The following ARHGEF4 variants were observed in gnomAD, a reference collection of about 807,000 sequenced individuals.
The protein encoded by ARHGEF4 is APC-stimulated guanine nucleotide exchange factor 1.
A neutral mutation model predicts 162.0 loss-of-function variants in ARHGEF4; 119 were observed. That is an observed-to-expected ratio of 0.73 (90% CI 0.63 to 0.86). The LOEUF is 0.86. Ranked by LOEUF, ARHGEF4 falls within the 40% of genes least tolerant of loss-of-function variation. The probability of loss-of-function intolerance (pLI) is 0.00; values close to 1 mark genes in which losing one functional copy is unlikely to be tolerated. For synonymous variants in ARHGEF4, 1,014 were observed against 979.9 expected (o/e 1.03, Z -0.65); for missense variants, 2,488 against 2,456.0 (o/e 1.01, Z -0.28).
intron 1 of ARHGEF4, among the ~76,000 whole-genome samples, chr2:130,847,435 A>G (rs1681063129): frequency 6.6e-6 from 1 of 152,182 alleles, no homozygotes; most frequent in Admixed American, 6.5e-5. Flanking sequence ...GCACCAAAAG[A>G]TCATAACTGT....
chr2:130,971,062 G>T (rs896603657), intron 4 of ARHGEF4, among the ~76,000 whole-genome samples: 5 of 152,094 alleles, frequency 3.3e-5, no homozygotes, highest in African/African-American at 7.2e-5. Flanking sequence ...TTTGTACTTA[G>T]ATCTATGATC....
chr2:130,950,905 A>G (rs1021062056), intron 4 of ARHGEF4, among the ~76,000 whole-genome samples: 2 of 152,074 alleles, frequency 1.3e-5, no homozygotes, highest in African/African-American at 2.4e-5. Context: ...GATACACCAC[A>G]GTTTGCTTAT....
At chr2:131,027,144 G>A (rs1689532874) in intron 4 of ARHGEF4, among the ~76,000 whole-genome samples, 1 of 152,174 alleles carries the variant, frequency 6.6e-6, no homozygotes. Context: ...GCAGCACAGG[G>A]AATGACCCAC....
chr2:131,038,255 C>T (rs1296519464), intron 5 of ARHGEF4, among the ~76,000 whole-genome samples: 1 of 148,722 alleles, frequency 6.7e-6, no homozygotes, highest in Non-Finnish European at 1.5e-5. Context: ...GCAGCCCAGC[C>T]TCTCCCTCCT....
intron 2 of ARHGEF4, among the ~76,000 whole-genome samples, chr2:130,923,897 T>TC (rs1254773359): frequency 2.0e-5 from 3 of 151,392 alleles, no homozygotes; most frequent in Non-Finnish European, 4.4e-5. Flanking sequence ...TTTTTTTTTT[T>TC]TGAGACGGAG....
At chr2:130,940,764 A>G (rs13013597) in intron 3 of ARHGEF4, among the ~76,000 whole-genome samples, 145,140 of 145,170 alleles carry the variant, frequency 1, 72,555 homozygotes, top group Middle Eastern at 1. Flanking sequence ...CCCGGGAGGC[A>G]GAGCTTGCAG....
intron 1 of ARHGEF4, among the ~76,000 whole-genome samples, chr2:130,903,789 T>C (rs1680652560): frequency 6.6e-6 from 1 of 152,252 alleles, no homozygotes; most frequent in Admixed American, 6.5e-5. Flanking sequence ...TTCAGTTTTC[T>C]GTTTCTGCAT....
At chr2:131,039,259 A>G in intron 6 of ARHGEF4, 1 of 1,297,272 alleles carries the variant, frequency 7.7e-7, no homozygotes, top group Non-Finnish European at 1.0e-6. Context: ...CAGTCGAGAA[A>G]TGAGTGTGTG....
At chr2:130,926,943 G>A (rs1682333604) in intron 2 of ARHGEF4, among the ~76,000 whole-genome samples, 2 of 148,584 alleles carry the variant, frequency 1.3e-5, no homozygotes, top group Admixed American at 1.4e-4. Context: ...GGGTTGGAAT[G>A]TCTCTGGTTG....
chr2:130,956,572 A>C lies in ARHGEF4; in HGVS notation c.3985+9937A>C, dbSNP rs945340743. ...ATAGCAAAGACTTGGAACCAACCCA[A>C]ATGTCCAACAATGATAGACTGGATT... On this transcript the variant is annotated intron_variant, in intron 4 of 13. Coordinates refer to ENST00000409359, the MANE Select transcript of ARHGEF4 (RefSeq NM_001367493.1). Among the ~76,000 whole-genome samples the C allele has an allele frequency of 3.3e-5, 5 of 150,360 alleles. No homozygotes were observed. In the Admixed American group the frequency reaches 3.3e-4, roughly 10 times the overall value.
At chr2:130,944,970 T>A (rs1683515509) in intron 3 of ARHGEF4, among the ~76,000 whole-genome samples, 1 of 152,160 alleles carries the variant, frequency 6.6e-6, no homozygotes, top group African/African-American at 2.4e-5. Flanking sequence ...GGCTGTTTCT[T>A]ATGTCAGTTT....
Position 130,946,609 on chromosome 2 carries a change from G to A in ARHGEF4, c.3959G>A (p.Gly1320Asp). ...QSAPTGLNHM[G>D]WPEHTPGTAM... ...GCTCCAACGGGACTGAACCACATGG[G>A]CTGGCCAGAGCACACACCAGGCACT... The change falls in exon 4 of 14, where the codon GGC (glycine) becomes GAC (aspartate). Residue 1320 changes from glycine (G) to aspartate (D), a missense_variant. Transcript: ENST00000409359. 1.2e-6 allele frequency: 2 copies of A among 1,614,040 alleles called. No individual in the cohort carries two copies. Among genetic ancestry groups the A allele is most frequent in the Middle Eastern group, 1.6e-4 (1 of 6,062 alleles).
At chr2:130,966,162 C>A (rs1420297526) in intron 4 of ARHGEF4, among the ~76,000 whole-genome samples, 3 of 152,204 alleles carry the variant, frequency 2.0e-5, no homozygotes, top group Non-Finnish European at 2.9e-5. Context: ...GTCACCTCTT[C>A]ATCCTCTCTG....
intron 1 of ARHGEF4, among the ~76,000 whole-genome samples, chr2:130,851,859 T>G (rs1681438846): frequency 6.6e-6 from 1 of 152,212 alleles, no homozygotes; most frequent in Non-Finnish European, 1.5e-5. Context: ...AGTGAATGTT[T>G]GTAGAAGCTG....
At chr2:130,988,633 A>G (rs986798290) in intron 4 of ARHGEF4, among the ~76,000 whole-genome samples, 8 of 152,088 alleles carry the variant, frequency 5.3e-5, no homozygotes, top group African/African-American at 1.2e-4. Context: ...GCTTTATTTC[A>G]TGACCTGTTT....
chr2:130,895,709 T>A (rs930852087), intron 1 of ARHGEF4, among the ~76,000 whole-genome samples: 3 of 152,206 alleles, frequency 2.0e-5, no homozygotes, highest in Non-Finnish European at 2.9e-5. Context: ...TATTACTGAG[T>A]GTAAGAGTTT....
intron 2 of ARHGEF4, among the ~76,000 whole-genome samples, chr2:130,926,356 CTTTG>C (rs71398515): frequency 0.085 from 12,953 of 151,960 alleles, 594 homozygotes; most frequent in Non-Finnish European, 0.11. Flanking sequence ...GCTTTAAAAT[CTTTG>C]TTTGATAATT....
intron 1 of ARHGEF4, among the ~76,000 whole-genome samples, chr2:130,877,278 A>G (rs972391116): frequency 2.6e-5 from 4 of 152,158 alleles, no homozygotes; most frequent in African/African-American, 9.7e-5. Context: ...TTATTTTAAG[A>G]TTTATTATTT....
chr2:130,883,514 C>G (rs919769722), intron 1 of ARHGEF4, among the ~76,000 whole-genome samples: 1 of 152,130 alleles, frequency 6.6e-6, no homozygotes, highest in Non-Finnish European at 1.5e-5. Context: ...CCTTCCCTTC[C>G]CCACTAAAAA....
Sources: allele counts gnomAD v4.1 joint callset (sites outside exome capture counted in the v4.1 genomes callset), GRCh38; gene constraint gnomAD v4.1.1; transcripts MANE v1.5; gene names NCBI Gene and HGNC (gene_info 2026-07-23, HGNC 2026-07-21).